Variants in PJA2 observed in about 807,000 individuals in gnomAD.
PJA2 encodes the protein praja ring finger ubiquitin ligase 2.
In PJA2, 25 loss-of-function variants were observed where a neutral mutation model predicts 69.3. The ratio of observed to expected loss-of-function variants is 0.36; its 90% CI spans 0.26 to 0.50. PJA2 has a LOEUF of 0.50. PJA2 is among the 20% of genes least tolerant of loss of function. The pLI is 0.96. For missense variants in PJA2, 809 were observed against 830.2 expected, an observed-to-expected ratio of 0.97 and a Z score of 0.31; for synonymous variants, 308 against 277.8, an observed-to-expected ratio of 1.11 and a Z score of -1.08.
chr5:109,356,940 C>G (rs181830919), intron 6 of PJA2, among the ~76,000 whole-genome samples: 49 of 152,236 alleles, frequency 3.2e-4, no homozygotes, highest in African/African-American at 1.0e-3. Flanking sequence ...ATCGAGATTC[C>G]TCCTTTTCCT....
rs1761964088 is a variant in PJA2, at chr5:109,337,288, G to A, written c.2070C>T (p.Ser690=). Residue 690 remains serine (S), a synonymous_variant, in exon 10 of 10, where the codon TCC becomes TCT. Transcript: ENST00000361189. ...GTGGGGCATCAGGATCAGGCTCAGA[G>A]GAAGGAGCTGCAGATGCTTCAATAA... ...PAVIEASAAP[S]SEPDPDAPPS... is the part of the protein sequence containing the mutation. The A allele has an allele frequency of 4.3e-6, 7 of 1,613,722 alleles. No individual in the cohort carries two copies. In the East Asian group the frequency reaches 1.6e-4, roughly 36 times the overall value.
chr5:109,349,110 C>G (rs762089204), intron 7 of PJA2, among the ~76,000 whole-genome samples: 2 of 152,114 alleles, frequency 1.3e-5, no homozygotes, highest in Admixed American at 6.5e-5. Context: ...GTAGTAATAG[C>G]TGTATTTTGT....
intron 9 of PJA2, among the ~76,000 whole-genome samples, chr5:109,343,340 T>A (rs1270959554): frequency 5.0e-4 from 16 of 32,118 alleles, no homozygotes; most frequent in East Asian, 7.3e-4. Flanking sequence ...TAAAGAGAGA[T>A]AATGTACCAT....
At chr5:109,400,809 C>G (rs1199528125) in intron 1 of PJA2, among the ~76,000 whole-genome samples, 1 of 151,666 alleles carries the variant, frequency 6.6e-6, no homozygotes, top group Non-Finnish European at 1.5e-5. Flanking sequence ...GAAACCCCGT[C>G]TCTACTAAAA....
intron 5 of PJA2, among the ~76,000 whole-genome samples, chr5:109,363,344 T>A (rs1378518628): frequency 2.6e-5 from 4 of 152,194 alleles, no homozygotes; most frequent in African/African-American, 9.7e-5. Flanking sequence ...TTTGAAACAA[T>A]GCTCTTGAGT....
chr5:109,382,076 T>G (rs1747063461), intron 2 of PJA2, among the ~76,000 whole-genome samples: 1 of 152,164 alleles, frequency 6.6e-6, no homozygotes, highest in Non-Finnish European at 1.5e-5. Context: ...TATATTAATA[T>G]AAGTGCTCAA....
chr5:109,380,958 T>C (rs1747032760), intron 3 of PJA2, among the ~76,000 whole-genome samples: 1 of 151,538 alleles, frequency 6.6e-6, no homozygotes, highest in Admixed American at 6.6e-5. Context: ...CTACTAAAAA[T>C]ACAAAAATTA....
chr5:109,355,320 C>T (rs747507917), intron 7 of PJA2, among the ~76,000 whole-genome samples: 1 of 152,162 alleles, frequency 6.6e-6, no homozygotes, highest in Non-Finnish European at 1.5e-5. Context: ...ATGAAATCCA[C>T]TGGTACAGTA....
Position 109,407,237 on chromosome 5 carries a change from G to C in PJA2, c.-88+2605C>G, listed in dbSNP as rs910605175. Reference sequence around the variant, plus strand: ...TCAATAAGGTTGATTTTCTAAGAGGGTGCTCTCTCAGGAAAATATAAACCA... The same window carrying C: ...TCAATAAGGTTGATTTTCTAAGAGGCTGCTCTCTCAGGAAAATATAAACCA... On this transcript the variant is annotated intron_variant, in intron 1 of 9. Coordinates refer to ENST00000361189, the MANE Select transcript of PJA2 (RefSeq NM_014819.5). Among the ~76,000 whole-genome samples, 7 of 152,110 alleles carry C rather than the reference G, an allele frequency of 4.6e-5. No homozygotes were observed. In the South Asian group the frequency reaches 1.5e-3, roughly 32 times the overall value.
At chr5:109,342,878 TG>T (rs756987255) in intron 9 of PJA2, among the ~76,000 whole-genome samples, 2,868 of 5,706 alleles carry the variant, frequency 0.5, 701 homozygotes, top group East Asian at 0.52. Flanking sequence ...GGGAGGGAGG[TG>T]GGGGGGGGGT....
At chr5:109,342,462 C>T (rs1474097041) in intron 9 of PJA2, among the ~76,000 whole-genome samples, 28 of 134,300 alleles carry the variant, frequency 2.1e-4, no homozygotes, top group Admixed American at 4.9e-4. Context: ...CCGCCCCGTC[C>T]GGGAGGGAGG....
At chr5:109,397,197 T>A (rs1160442081) in intron 1 of PJA2, among the ~76,000 whole-genome samples, 1 of 152,224 alleles carries the variant, frequency 6.6e-6, no homozygotes, top group Non-Finnish European at 1.5e-5. Flanking sequence ...GCACCTTGAT[T>A]TGGAACATCC....
rs373950329 is a variant in PJA2 at position 109,375,520 on chromosome 5, T to G, written c.1283+2684A>C. ...GAAACTCTGTCTCGAAATAAATAAA[T>G]AAAAAATAAAAAAATAAAAATGCCA... On this transcript the variant is annotated intron_variant, in intron 4 of 9. Coordinates refer to ENST00000361189, the MANE Select transcript of PJA2 (RefSeq NM_014819.5). Among the ~76,000 whole-genome samples, 3 of 151,358 alleles carry G rather than the reference T, an allele frequency of 2.0e-5. No homozygotes were observed. In the East Asian group the frequency reaches 5.8e-4, roughly 29 times the overall value.
intron 4 of PJA2, among the ~76,000 whole-genome samples, chr5:109,376,798 C>T (rs1746898686): frequency 6.6e-6 from 1 of 151,978 alleles, no homozygotes; most frequent in African/African-American, 2.4e-5. Context: ...ATATATATTT[C>T]CCAGATTTAG....
intron 1 of PJA2, among the ~76,000 whole-genome samples, chr5:109,391,294 T>A (rs1023027961): frequency 1.3e-5 from 2 of 152,136 alleles, no homozygotes; most frequent in African/African-American, 4.8e-5. Context: ...ATCTTCAATA[T>A]CCCTTTCTGA....
intron 4 of PJA2, among the ~76,000 whole-genome samples, chr5:109,369,584 T>C (rs1303478725): frequency 6.6e-6 from 1 of 152,254 alleles, no homozygotes; most frequent in Non-Finnish European, 1.5e-5. Context: ...ATATTTTCTA[T>C]GAATAAATTT....
intron 9 of PJA2, among the ~76,000 whole-genome samples, chr5:109,341,939 C>T (rs1291892900): frequency 3.3e-5 from 4 of 122,098 alleles, no homozygotes; most frequent in Non-Finnish European, 1.8e-5. Context: ...TCTGCCCGGC[C>T]GCCCCTACTG....
At position 109,344,326 on chromosome 5, in the gene PJA2, T is replaced by C; in HGVS notation, c.1880-15A>G. The C allele has an allele frequency of 1.3e-6, 2 of 1,585,490 alleles. No homozygotes were observed. Among genetic ancestry groups the C allele is most frequent in the Non-Finnish European group, 1.7e-6 (2 of 1,168,996 alleles). On this transcript the variant is annotated splice_polypyrimidine_tract_variant and intron_variant, in intron 8 of 9. Coordinates refer to ENST00000361189, the MANE Select transcript of PJA2 (RefSeq NM_014819.5). ...CTGACCAATAGCTGAAAACAACAAA[T>C]AATTCAGGTCAATCACACGTAGTTC...
At chr5:109,373,080 C>A (rs900357481) in intron 4 of PJA2, among the ~76,000 whole-genome samples, 4 of 151,606 alleles carry the variant, frequency 2.6e-5, no homozygotes, top group African/African-American at 9.7e-5. Flanking sequence ...GGTGACAAAG[C>A]GAGACTGTCT....
Sources: allele counts gnomAD v4.1 joint callset (sites outside exome capture counted in the v4.1 genomes callset), GRCh38; gene constraint gnomAD v4.1.1; transcripts MANE v1.5; gene names NCBI Gene and HGNC (gene_info 2026-07-23, HGNC 2026-07-21).